The following OPRM1 variants were observed in gnomAD, a reference collection of about 807,000 sequenced individuals.
OPRM1 encodes opioid receptor mu 1.
Under a neutral mutation model 31.8 loss-of-function variants are expected in OPRM1, and 27 were observed. The observed-to-expected ratio is 0.85, with a 90% CI of 0.63 to 1.17. The LOEUF (loss-of-function observed/expected upper bound fraction) is 1.17, where lower values mean the gene tolerates loss of function less well. OPRM1 is among the 50% of genes most tolerant of loss of function. OPRM1 has a pLI of 0.00. For missense variants in OPRM1, 536 were observed against 511.1 expected, an observed-to-expected ratio of 1.05 and a Z score of -0.47; for synonymous variants, 196 against 189.9, an observed-to-expected ratio of 1.03 and a Z score of -0.26.
chr6:154,172,661 C>T (rs1219725626), intron 3 of OPRM1, among the ~76,000 whole-genome samples: 1 of 152,196 alleles, frequency 6.6e-6, no homozygotes. Context: ...CAGGGAAGCT[C>T]GAACTGGGCG....
At chr6:154,238,307 G>A (rs1486109019) in intron 3 of OPRM1, among the ~76,000 whole-genome samples, 3 of 152,104 alleles carry the variant, frequency 2.0e-5, no homozygotes, top group African/African-American at 4.8e-5. Context: ...CCAGGCTAGA[G>A]TGCAATGGCG....
chr6:154,203,174 C>T (rs1275116154), intron 3 of OPRM1, among the ~76,000 whole-genome samples: 1 of 152,186 alleles, frequency 6.6e-6, no homozygotes, highest in Admixed American at 6.5e-5. Context: ...AAGCTCCCCA[C>T]TGAAGATCAA....
chr6:154,146,298 G>A (rs1348631016), intron 3 of OPRM1, among the ~76,000 whole-genome samples: 3 of 152,182 alleles, frequency 2.0e-5, no homozygotes, highest in East Asian at 1.9e-4. Flanking sequence ...TACTCAGGAC[G>A]CTGAGGCACA....
Position 154,093,480 on chromosome 6 carries a change from T to G in OPRM1, c.1164+2008T>G. Reference sequence around the variant, plus strand: ...ATTCTTCAGTTGCCCGACACTGCCCTTGACTCCCTTCCAAATTCGGCATTT... The same window carrying G: ...ATTCTTCAGTTGCCCGACACTGCCCGTGACTCCCTTCCAAATTCGGCATTT... On this transcript the variant is annotated intron_variant, in intron 3 of 3. Transcript: ENST00000330432. 8 of 1,610,946 alleles carry G rather than the reference T, an allele frequency of 5.0e-6. No individual in the cohort carries two copies. In the South Asian group the frequency reaches 7.7e-5, roughly 16 times the overall value.
intron 3 of OPRM1, among the ~76,000 whole-genome samples, chr6:154,146,393 C>T (rs951099495): frequency 6.6e-6 from 1 of 151,990 alleles, no homozygotes; most frequent in African/African-American, 2.4e-5. Context: ...GAACAAGACT[C>T]CCTCTCAAAA....
chr6:154,093,945 T>C (rs991618147), intron 3 of OPRM1, among the ~76,000 whole-genome samples: 10 of 152,212 alleles, frequency 6.6e-5, no homozygotes, highest in Non-Finnish European at 1.3e-4. Flanking sequence ...GGAGACTTGA[T>C]GGCTGTGTCT....
At chr6:154,137,999 G>A (rs951877710) in intron 3 of OPRM1, among the ~76,000 whole-genome samples, 1 of 152,204 alleles carries the variant, frequency 6.6e-6, no homozygotes, top group South Asian at 2.1e-4. Flanking sequence ...ATTGGAAATA[G>A]AGATATAAAA....
In OPRM1 at chr6:154,118,793, G is replaced by C; in HGVS notation, c.*72G>C. The C allele has an allele frequency of 6.2e-7, 1 of 1,601,730 alleles. No individual in the cohort carries two copies. The highest frequency in any genetic ancestry group is 8.5e-7 in the Non-Finnish European group (1 of 1,176,312). ...TGTATGTGGAAGCAGGTTGCTTCAA[G>C]AATGTGTAGGAGGCTCTAATTCTCT... On this transcript the variant is annotated 3_prime_UTR_variant, in exon 4 of 4. Transcript: ENST00000330432.
intron 3 of OPRM1, chr6:154,094,275 T>G: frequency 8.1e-7 from 1 of 1,240,070 alleles, no homozygotes; most frequent in Non-Finnish European, 1.1e-6. Flanking sequence ...CTGAGGCAAT[T>G]TCCATACAGC....
At chr6:154,246,294 C>T (rs916804014) in intron 3 of OPRM1, among the ~76,000 whole-genome samples, 5 of 152,102 alleles carry the variant, frequency 3.3e-5, no homozygotes, top group South Asian at 2.1e-4. Context: ...TAGAATCCCT[C>T]GTGGAATAGT....
intron 1 of OPRM1, among the ~76,000 whole-genome samples, chr6:154,085,995 C>G (rs1790462466): frequency 6.7e-6 from 1 of 149,042 alleles, no homozygotes. Context: ...TTGCAGGTGC[C>G]TGCCACCACC....
chr6:154,238,680 C>T (rs1228149457), intron 3 of OPRM1, among the ~76,000 whole-genome samples: 1 of 152,014 alleles, frequency 6.6e-6, no homozygotes, highest in African/African-American at 2.4e-5. Context: ...GCACATACTA[C>T]TGTATAACCT....
At chr6:154,102,918 C>CAAAAAAAAAAAA (rs58694186) in intron 3 of OPRM1, among the ~76,000 whole-genome samples, 1 of 80,798 alleles carries the variant, frequency 1.2e-5, no homozygotes, top group Non-Finnish European at 2.9e-5. Context: ...TAACCAGTTG[C>CAAAAAAAAAAAA]AAAAAAAAAA....
chr6:154,114,351 C>T (rs1341319920), intron 3 of OPRM1, among the ~76,000 whole-genome samples: 7 of 151,982 alleles, frequency 4.6e-5, no homozygotes, highest in Non-Finnish European at 8.8e-5. Context: ...CTTTCTGGGA[C>T]TTCATGTGAT....
rs766126257 is a variant in OPRM1 at position 154,129,103 on chromosome 6, C to A, written c.*10382C>A. Among the ~76,000 whole-genome samples, 71 of 152,274 alleles carry A rather than the reference C, an allele frequency of 4.7e-4. No individual in the cohort carries two copies. Among genetic ancestry groups the A allele is most frequent in the Non-Finnish European group, 2.1e-4 (14 of 68,016 alleles). On this transcript the variant is annotated 3_prime_UTR_variant, in exon 4 of 4. Coordinates refer to ENST00000330432, the MANE Select transcript of OPRM1 (RefSeq NM_000914.5). Reference sequence around the variant, plus strand: ...GCTGGGAGCATCGACCAGCTACTGTCTCAAAATCCAAGCTCCCTGAGTACA... The same window carrying A: ...GCTGGGAGCATCGACCAGCTACTGTATCAAAATCCAAGCTCCCTGAGTACA...
intron 3 of OPRM1, among the ~76,000 whole-genome samples, chr6:154,147,503 T>C (rs1798389831): frequency 6.6e-6 from 1 of 152,212 alleles, no homozygotes; most frequent in African/African-American, 2.4e-5. Flanking sequence ...GAGCCCCTGT[T>C]CACCATATAC....
chr6:154,111,824 G>A (rs1319225762), intron 3 of OPRM1, among the ~76,000 whole-genome samples: 2 of 151,994 alleles, frequency 1.3e-5, no homozygotes, highest in Non-Finnish European at 2.9e-5. Context: ...GGAGTGCAGT[G>A]GTGCCATCTC....
rs1247243575 is a variant in OPRM1 at position 154,014,506 on chromosome 6, A to G, written c.-1+3488A>G. Among the ~76,000 whole-genome samples the G allele has an allele frequency of 2.0e-5, 3 of 152,120 alleles. No individual in the cohort carries two copies. The East Asian group carries it at 5.8e-4, about 29-fold the overall frequency. On this transcript the variant is annotated intron_variant, in intron 1 of 5. Transcript: ENST00000434900. ...TGCAGGATCATATATACAAAACTACATACCTGGTACCTTAAAGGAAATTTA... is the reference window on the plus strand; with the variant it reads ...TGCAGGATCATATATACAAAACTACGTACCTGGTACCTTAAAGGAAATTTA...
intron 1 of OPRM1, among the ~76,000 whole-genome samples, chr6:154,018,620 A>G (rs952328384): frequency 1.1e-4 from 16 of 152,044 alleles, no homozygotes; most frequent in African/African-American, 3.9e-4. Context: ...TTGTCCCAAG[A>G]GAAAACATTT....
Sources: gnomAD v4.1 joint callset for allele counts (sites outside exome capture counted in the v4.1 genomes callset) on GRCh38, gnomAD v4.1.1 for gene constraint, MANE v1.5 for transcripts, NCBI Gene and HGNC (gene_info 2026-07-23, HGNC 2026-07-21) for gene names.